MGAT4C: variants seen among roughly 807,000 people sequenced by gnomAD.
The protein encoded by MGAT4C is MGAT4 family member C.
MGAT4C carries 19 observed loss-of-function variants against 40.1 expected under a neutral mutation model. That is an observed-to-expected ratio of 0.47 (90% confidence interval 0.33 to 0.70). The LOEUF (loss-of-function observed/expected upper bound fraction) is 0.70. Ranked by LOEUF, MGAT4C falls within the 30% of genes least tolerant of loss-of-function variation. The pLI is 0.02. For missense variants in MGAT4C, 491 were observed against 563.2 expected, an observed-to-expected ratio of 0.87 and a Z score of 1.30; for synonymous variants, 181 against 187.1, an observed-to-expected ratio of 0.97 and a Z score of 0.27.
At chr12:86,384,429 A>G (rs1191512384) in intron 3 of MGAT4C, among the ~76,000 whole-genome samples, 2 of 152,144 alleles carry the variant, frequency 1.3e-5, no homozygotes, top group Non-Finnish European at 2.9e-5. Flanking sequence ...TCAGGATTTC[A>G]ATATTTGGGA....
chr12:86,368,244 C>T (rs917868930), intron 3 of MGAT4C, among the ~76,000 whole-genome samples: 2 of 151,970 alleles, frequency 1.3e-5, no homozygotes, highest in African/African-American at 4.8e-5. Flanking sequence ...CTATTAATTG[C>T]TATTCACAGA....
At chr12:86,835,668 A>G (rs893312787) in intron 1 of MGAT4C, among the ~76,000 whole-genome samples, 7 of 152,060 alleles carry the variant, frequency 4.6e-5, no homozygotes, top group African/African-American at 1.7e-4. Context: ...TAATTTAGCT[A>G]TTAGATAACC....
chr12:86,304,364 AAAC>A (rs1953884331), intron 4 of MGAT4C, among the ~76,000 whole-genome samples: 1 of 150,606 alleles, frequency 6.6e-6, no homozygotes, highest in Admixed American at 6.6e-5. Flanking sequence ...AGCTTGAAGG[AAAC>A]AATCATTTAC....
intron 2 of MGAT4C, among the ~76,000 whole-genome samples, chr12:86,620,341 T>TCACA (rs142544847): frequency 0.035 from 5,249 of 149,904 alleles, 129 homozygotes; most frequent in Non-Finnish European, 0.048. Context: ...AGATAAAATA[T>TCACA]CACACACACA....
intron 1 of MGAT4C, among the ~76,000 whole-genome samples, chr12:86,200,136 T>A (rs1299933304): frequency 0.01 from 881 of 84,806 alleles, 5 homozygotes; most frequent in Non-Finnish European, 0.02. Context: ...TGTTTTTTTT[T>A]TTTTTTTTTT....
At chr12:86,789,609 G>A (rs1000104153) in intron 1 of MGAT4C, among the ~76,000 whole-genome samples, 11 of 152,054 alleles carry the variant, frequency 7.2e-5, no homozygotes, top group African/African-American at 2.4e-4. Context: ...TTTTATCTGT[G>A]AACATGGTAA....
chr12:86,283,763 A>T (rs530924591), intron 4 of MGAT4C, among the ~76,000 whole-genome samples: 2 of 152,218 alleles, frequency 1.3e-5, no homozygotes, highest in Admixed American at 1.3e-4. Flanking sequence ...ACACCTGGCT[A>T]CATCTCTATT....
chr12:86,109,302 A>G (rs1014033031), intron 1 of MGAT4C, among the ~76,000 whole-genome samples: 18 of 152,132 alleles, frequency 1.2e-4, no homozygotes, highest in Admixed American at 8.5e-4. Context: ...AGAAACTGAT[A>G]TATAGCGTGG....
chr12:85,987,230 G>A (rs1384102933), intron 3 of MGAT4C, among the ~76,000 whole-genome samples: 3 of 133,106 alleles, frequency 2.3e-5, no homozygotes, highest in East Asian at 2.4e-4. Flanking sequence ...TCCGCCTCCC[G>A]GGTTCACGCC....
intron 1 of MGAT4C, among the ~76,000 whole-genome samples, chr12:86,775,424 A>C (rs185032849): frequency 9.3e-5 from 14 of 150,534 alleles, no homozygotes; most frequent in Admixed American, 6.0e-4. Context: ...ATATTTATAA[A>C]TAAATACATA....
In MGAT4C at chr12:86,055,596, C is replaced by G. The variant is rs191230031; in HGVS notation, c.-56-5873G>C. Among the ~76,000 whole-genome samples, 26 of 152,080 alleles carry G rather than the reference C, an allele frequency of 1.7e-4. No individual in the cohort carries two copies. In the East Asian group the frequency reaches 4.5e-3, roughly 26 times the overall value. ...AATCCCTGATCTTTAATTGATTTGT[C>G]TATTTACTCTTTGTCATAGAAAAGC... On this transcript the variant is annotated intron_variant, in intron 1 of 4. Transcript: ENST00000611864.
chr12:86,080,519 C>A (rs1420554131), intron 1 of MGAT4C, among the ~76,000 whole-genome samples: 1 of 152,076 alleles, frequency 6.6e-6, no homozygotes, highest in Non-Finnish European at 1.5e-5. Flanking sequence ...ACAGAAGGAA[C>A]ATAAAGTATC....
At chr12:86,337,425 TGC>T (rs1240991969) in intron 3 of MGAT4C, among the ~76,000 whole-genome samples, 1 of 151,744 alleles carries the variant, frequency 6.6e-6, no homozygotes, top group African/African-American at 2.4e-5. Flanking sequence ...GGCGAAACCC[TGC>T]CACTTAAAAA....
intron 2 of MGAT4C, among the ~76,000 whole-genome samples, chr12:86,666,180 A>G (rs1964100815): frequency 6.6e-6 from 1 of 152,178 alleles, no homozygotes; most frequent in Non-Finnish European, 1.5e-5. Flanking sequence ...AGACAATGTC[A>G]CAAAGGTACC....
Position 86,774,323 on chromosome 12 carries a change from C to CTTTCTTTCTTTCT in MGAT4C, c.-261-47095_-261-47083dup, listed in dbSNP as rs1565981545. ...TCTTTCTTTCTTTCTTTCTTTCTTT[C>CTTTCTTTCTTTCT]TTTCTTTCTTTCTTTCTGTCTCTCT... On this transcript the variant is annotated intron_variant, in intron 1 of 7. Transcript: ENST00000548651. 3.6e-4 allele frequency among the ~76,000 whole-genome samples: 35 copies of CTTTCTTTCTTTCT among 97,128 alleles called. 1 individual carries two copies. Among genetic ancestry groups the CTTTCTTTCTTTCT allele is most frequent in the Non-Finnish European group, 5.8e-4 (27 of 46,160 alleles). 63.7% of individuals were successfully genotyped at this position (97,128 alleles called of 152,430 possible).
rs558271983 is a variant in MGAT4C, at chr12:86,773,942, CTTCTTTTTTTTTTTT to C, written c.-261-46716_-261-46702del. 2.8e-5 allele frequency among the ~76,000 whole-genome samples: 3 copies of C among 106,524 alleles called. No homozygotes were observed. In the South Asian group the frequency reaches 9.1e-4, roughly 32 times the overall value. 69.9% of individuals were successfully genotyped at this position (106,524 alleles called of 152,430 possible). A position where few individuals can be genotyped will look rare whatever the true frequency, so the allele number is the denominator to read the frequency against. On this transcript the variant is annotated intron_variant, in intron 1 of 7. Coordinates refer to the MGAT4C transcript ENST00000548651. ...ACAGGTTCACATTTTTTTAAAGTAACTTCTTTTTTTTTTTTTTTTTTTTTTTTTTGAGTGGGAGTC... is the reference window on the plus strand; with the variant it reads ...ACAGGTTCACATTTTTTTAAAGTAACTTTTTTTTTTTTTTGAGTGGGAGTC...
chr12:86,505,347 G>T (rs113369091), intron 2 of MGAT4C, among the ~76,000 whole-genome samples: 1 of 152,108 alleles, frequency 6.6e-6, no homozygotes, highest in Non-Finnish European at 1.5e-5. Flanking sequence ...GATGAATAAG[G>T]CTCCAGCACA....
chr12:86,823,783 A>T (rs941024145), intron 1 of MGAT4C, among the ~76,000 whole-genome samples: 3 of 151,116 alleles, frequency 2.0e-5, no homozygotes, highest in Admixed American at 6.6e-5. Flanking sequence ...TCCATTTTTT[A>T]AAAAAGGCTA....
chr12:86,118,940 A>G (rs1878896976), intron 1 of MGAT4C, among the ~76,000 whole-genome samples: 2 of 152,098 alleles, frequency 1.3e-5, no homozygotes, highest in Admixed American at 1.3e-4. Context: ...TCTAAAATGG[A>G]TGTATAATTT....
Sources: allele counts gnomAD v4.1 joint callset (sites outside exome capture counted in the v4.1 genomes callset), GRCh38; gene constraint gnomAD v4.1.1; transcripts MANE v1.5; gene names NCBI Gene and HGNC (gene_info 2026-07-23, HGNC 2026-07-21).